RASGRF1: variants seen among roughly 807,000 people sequenced by gnomAD.
RASGRF1 encodes ras-specific guanine nucleotide-releasing factor 1.
Under a neutral mutation model 138.7 loss-of-function variants are expected in RASGRF1, and 40 were observed. The observed-to-expected ratio is 0.29, with a 90% CI of 0.22 to 0.38. The LOEUF is 0.38. RASGRF1 is among the 10% of genes least tolerant of loss of function. RASGRF1 has a pLI of 1.00. For missense variants in RASGRF1, 1,108 were observed against 1,650.4 expected (o/e 0.67, Z 5.69); for synonymous variants, 614 against 663.2 (o/e 0.93, Z 1.14).
intron 10 of RASGRF1, 63 bp from the exon 11 acceptor site, chr15:79,020,167 T>C (rs1203755882): frequency 6.6e-7 from 1 of 1,505,236 alleles, no homozygotes; most frequent in African/African-American, 1.4e-5. Context: ...TAGGAGTCCC[T>C]GGATGATAGG....
chr15:78,999,601 G>T, intron 17 of RASGRF1, 142 bp downstream of exon 17: 1 of 939,690 alleles, frequency 1.1e-6, no homozygotes, highest in Non-Finnish European at 1.6e-6. Flanking sequence ...GAGGGTGGGT[G>T]CTTTAACAGG....
At chr15:79,010,022 C>T (rs1315874257) in intron 13 of RASGRF1, among the ~76,000 whole-genome samples, 1 of 149,362 alleles carries the variant, frequency 6.7e-6, no homozygotes, top group Non-Finnish European at 1.5e-5. Context: ...TGCACCCAGC[C>T]TCTTTGTTTG....
At chr15:79,035,044 T>G in intron 6 of RASGRF1, 87 bp downstream of exon 6, 1 of 1,167,164 alleles carries the variant, frequency 8.6e-7, no homozygotes. Flanking sequence ...TCTATTATGC[T>G]CTAGAAGGAC....
chr15:79,005,631 T>C, intron 14 of RASGRF1: 2 of 990,980 alleles, frequency 2.0e-6, no homozygotes, highest in Non-Finnish European at 2.4e-6. Context: ...GCACTCCTTA[T>C]GTTGACTCAC....
At chr15:79,013,419 A>G (rs1489481767) in intron 13 of RASGRF1, among the ~76,000 whole-genome samples, 1 of 152,268 alleles carries the variant, frequency 6.6e-6, no homozygotes, top group East Asian at 1.9e-4. Flanking sequence ...CTCCTGGCAC[A>G]CAGTAGGTTC....
chr15:79,066,309 G>A (rs1267731334), intron 1 of RASGRF1, among the ~76,000 whole-genome samples: 1 of 152,202 alleles, frequency 6.6e-6, no homozygotes, highest in Non-Finnish European at 1.5e-5. Flanking sequence ...AAGCAGAGAA[G>A]CTGGGATGAC....
rs1046221101 is a variant in RASGRF1 at position 79,032,961 on chromosome 15, G to A, written c.959-645C>T. Among the ~76,000 whole-genome samples the A allele has an allele frequency of 4.6e-5, 7 of 152,210 alleles. No individual in the cohort carries two copies. Among genetic ancestry groups the A allele is most frequent in the Non-Finnish European group, 7.3e-5 (5 of 68,032 alleles). On this transcript the variant is annotated intron_variant, in intron 6 of 26. Coordinates refer to ENST00000558480, the MANE Select transcript of RASGRF1 (RefSeq NM_001145648.3). The surrounding 1 kb of genome is among the most constrained non-coding windows in gnomAD (Gnocchi z 4.5). ...GAGGTCACAGGGCAAGTCAGCAGCCGGCCTGGGGCTGGGTCTCCTGACCTC... is the reference window on the plus strand; with the variant it reads ...GAGGTCACAGGGCAAGTCAGCAGCCAGCCTGGGGCTGGGTCTCCTGACCTC...
intron 26 of RASGRF1, among the ~76,000 whole-genome samples, chr15:78,970,778 C>T (rs948620453): frequency 6.6e-6 from 1 of 150,788 alleles, no homozygotes; most frequent in Non-Finnish European, 1.5e-5. Context: ...ACATGCCAAC[C>T]ATTCTTTTTT....
chr15:78,990,924 C>T (rs1595876591), intron 21 of RASGRF1, among the ~76,000 whole-genome samples: 1 of 152,316 alleles, frequency 6.6e-6, no homozygotes, highest in East Asian at 1.9e-4. Context: ...TCTATTTACA[C>T]GAGGCAGCAC....
intron 13 of RASGRF1, chr15:79,012,565 G>A (rs2056816984): frequency 1.9e-6 from 3 of 1,613,496 alleles, no homozygotes; most frequent in Admixed American, 3.3e-5. Context: ...GTAAGCAGAT[G>A]GGTCCTTGAA....
Position 79,016,054 on chromosome 15 carries a change from G to A in RASGRF1, c.1744-645C>T, listed in dbSNP as rs371656173. ...ATTTTGCTTTGAATAGGAAGTACCCGCCCAAACAAAAATAAAAACTGCATC... is the reference window on the plus strand; with the variant it reads ...ATTTTGCTTTGAATAGGAAGTACCCACCCAAACAAAAATAAAAACTGCATC... On this transcript the variant is annotated intron_variant, in intron 12 of 26. Transcript: ENST00000558480. Among the ~76,000 whole-genome samples the A allele has an allele frequency of 1.9e-4, 29 of 152,236 alleles. 1 individual carries two copies. The highest frequency in any genetic ancestry group is 1.9e-3 in the South Asian group (9 of 4,830).
intron 1 of RASGRF1, among the ~76,000 whole-genome samples, chr15:79,082,958 A>G (rs2057932713): frequency 6.6e-6 from 1 of 152,150 alleles, no homozygotes; most frequent in South Asian, 2.1e-4. Context: ...AGCTGCTGCA[A>G]TTTACTGATA....
At position 79,050,501 on chromosome 15, in the gene RASGRF1, C is replaced by A. The variant is rs1276071049; in HGVS notation, c.532-913G>T. 6.6e-6 allele frequency among the ~76,000 whole-genome samples: 1 copy of A among 152,162 alleles called. No homozygotes were observed. Among genetic ancestry groups the A allele is most frequent in the East Asian group, 1.9e-4 (1 of 5,196 alleles). On this transcript the variant is annotated intron_variant, in intron 3 of 26. Transcript: ENST00000558480. The surrounding 1 kb of genome is among the most constrained non-coding windows in gnomAD (Gnocchi z 4.1). ...CGGGTGAAGTCCTGCTGGCTTGGCG[C>A]TTTCCTTCCTGGGCAGCCCCAAAGC...
At chr15:78,967,036 C>G (rs1388284010) in intron 26 of RASGRF1, among the ~76,000 whole-genome samples, 5 of 152,054 alleles carry the variant, frequency 3.3e-5, no homozygotes, top group African/African-American at 4.8e-5. Context: ...GGAATGGTGG[C>G]TCAAACCTGT....
chr15:79,066,162 A>T (rs774017770), intron 1 of RASGRF1, among the ~76,000 whole-genome samples: 1 of 152,058 alleles, frequency 6.6e-6, no homozygotes, highest in Non-Finnish European at 1.5e-5. Flanking sequence ...TCGAGAGATG[A>T]TGAACACACA....
chr15:79,084,806 G>C (rs1399335428), intron 1 of RASGRF1, among the ~76,000 whole-genome samples: 2 of 152,188 alleles, frequency 1.3e-5, no homozygotes, highest in African/African-American at 4.8e-5. Context: ...CCTCTCTACT[G>C]GTGACATGCA....
At chr15:79,058,554 G>A (rs2057541843) in intron 2 of RASGRF1, 73 bp from the exon 3 acceptor site, 14 of 1,568,396 alleles carry the variant, frequency 8.9e-6, no homozygotes, top group South Asian at 1.2e-5. Flanking sequence ...GGCACTGACC[G>A]GGAGAGGGGC....
chr15:78,960,055 C>T lies in RASGRF1; in HGVS notation c.*2089G>A, dbSNP rs1395666742. 6.6e-6 allele frequency: 1 copy of T among 152,190 alleles called. No homozygotes were observed. Among genetic ancestry groups the T allele is most frequent in the Non-Finnish European group, 1.5e-5 (1 of 68,046 alleles). 9.4% of individuals were successfully genotyped at this position (152,190 alleles called of 1,614,324 possible). A position where few individuals can be genotyped will look rare whatever the true frequency, so the allele number is the denominator to read the frequency against. Reference sequence around the variant, plus strand: ...TGAGAGGTTAAGTGACTTGGCTGAGCTCATGAAGCAGGTAAAGCTGGCAAT... The same window carrying T: ...TGAGAGGTTAAGTGACTTGGCTGAGTTCATGAAGCAGGTAAAGCTGGCAAT... On this transcript the variant is annotated 3_prime_UTR_variant, in exon 27 of 27. Coordinates refer to ENST00000558480, the MANE Select transcript of RASGRF1 (RefSeq NM_001145648.3).
chr15:78,979,549 A>G (rs1179486494), intron 24 of RASGRF1, among the ~76,000 whole-genome samples: 1 of 152,184 alleles, frequency 6.6e-6, no homozygotes, highest in Non-Finnish European at 1.5e-5. Flanking sequence ...GAGAGGAAGG[A>G]ACACTCACTC....
Sources: allele counts gnomAD v4.1 joint callset (sites outside exome capture counted in the v4.1 genomes callset), GRCh38; gene constraint gnomAD v4.1.1; non-coding constraint Gnocchi (gnomAD v3.1); transcripts MANE v1.5; gene names NCBI Gene and HGNC (gene_info 2026-07-23, HGNC 2026-07-21).